CSMD1: variants seen among roughly 807,000 people sequenced by gnomAD.
The protein encoded by CSMD1 is CUB and Sushi multiple domains 1, also known as CUB and sushi domain-containing protein 1.
Under a neutral mutation model 417.5 loss-of-function variants are expected in CSMD1, and 213 were observed. The ratio of observed to expected loss-of-function variants is 0.51; its 90% CI spans 0.46 to 0.57. The LOEUF is 0.57. CSMD1 is among the 20% of genes least tolerant of loss of function. CSMD1 has a pLI of 0.00. For missense variants in CSMD1, 6,923 were observed against 4,529.7 expected (o/e 1.53, Z -15.17); for synonymous variants, 2,862 against 1,736.8 (o/e 1.65, Z -16.11).
intron 3 of CSMD1, among the ~76,000 whole-genome samples, chr8:4,291,625 T>C (rs1797371191): frequency 6.6e-6 from 1 of 152,208 alleles, no homozygotes; most frequent in Non-Finnish European, 1.5e-5. Context: ...GATATGTTTC[T>C]TTCTTAAATT....
intron 2 of CSMD1, among the ~76,000 whole-genome samples, chr8:4,624,758 G>C (rs1801999230): frequency 6.6e-6 from 1 of 152,124 alleles, no homozygotes; most frequent in Admixed American, 6.5e-5. Flanking sequence ...CTCTCTGCCT[G>C]ACTCCTGAGG....
At chr8:3,983,516 G>A (rs1238834896) in intron 5 of CSMD1, among the ~76,000 whole-genome samples, 1 of 152,198 alleles carries the variant, frequency 6.6e-6, no homozygotes, top group Non-Finnish European at 1.5e-5. Context: ...CTTGGGACAG[G>A]AAACTGCCCT....
intron 6 of CSMD1, among the ~76,000 whole-genome samples, chr8:3,724,159 T>G (rs1802350095): frequency 6.7e-6 from 1 of 149,884 alleles, no homozygotes; most frequent in South Asian, 2.1e-4. Context: ...TTAAAAAGTT[T>G]TGCAAAAATA....
intron 1 of CSMD1, among the ~76,000 whole-genome samples, chr8:4,768,863 T>C (rs1277089617): frequency 6.6e-6 from 1 of 152,182 alleles, no homozygotes; most frequent in East Asian, 1.9e-4. Context: ...GGCTGAGACA[T>C]GACTTCCACT....
intron 3 of CSMD1, among the ~76,000 whole-genome samples, chr8:4,389,530 C>G (rs956488234): frequency 2.0e-5 from 3 of 152,080 alleles, no homozygotes; most frequent in Non-Finnish European, 2.9e-5. Context: ...GTCATATACT[C>G]AGCAGAAGAC....
chr8:3,040,542 T>C (rs978247468), intron 50 of CSMD1, among the ~76,000 whole-genome samples: 1 of 151,754 alleles, frequency 6.6e-6, no homozygotes, highest in African/African-American at 2.4e-5. Context: ...CGGTGGCTCA[T>C]GCCTGTAATC....
intron 3 of CSMD1, among the ~76,000 whole-genome samples, chr8:4,213,583 G>A (rs61112648): frequency 3.9e-4 from 60 of 152,330 alleles, no homozygotes; most frequent in African/African-American, 1.2e-3. Flanking sequence ...CACTTGCAAC[G>A]TGAAAGAAAA....
intron 5 of CSMD1, among the ~76,000 whole-genome samples, chr8:3,850,316 C>A (rs1430275039): frequency 6.6e-6 from 1 of 152,158 alleles, no homozygotes; most frequent in Non-Finnish European, 1.5e-5. Flanking sequence ...GCTTTGTTTT[C>A]CATAGGGTCT....
intron 40 of CSMD1, among the ~76,000 whole-genome samples, chr8:3,149,036 T>C (rs1819024754): frequency 6.6e-6 from 1 of 152,238 alleles, no homozygotes; most frequent in African/African-American, 2.4e-5. Flanking sequence ...ATATCCAATT[T>C]TTTTAAGATT....
intron 52 of CSMD1, among the ~76,000 whole-genome samples, chr8:3,002,762 T>C (rs971324912): frequency 5.9e-5 from 9 of 152,298 alleles, no homozygotes; most frequent in Non-Finnish European, 1.3e-4. Flanking sequence ...CAAGGAAGCA[T>C]CTGTGTACTC....
In CSMD1 at chr8:3,399,440, A is replaced by G; in HGVS notation, c.2356T>C (p.Trp786Arg). 6.2e-7 allele frequency: 1 copy of G among 1,609,960 alleles called. No individual in the cohort carries two copies. Among genetic ancestry groups the G allele is most frequent in the Non-Finnish European group, 8.5e-7 (1 of 1,178,208 alleles). The part of the protein sequence containing the change: ...GYYKDSLHCE[W>R]IIEAKPGHSI... ...TGGCCTGGTTTTGCTTCAATTATCC[A>G]TTCACAATGTAAAGAATCCTTATAA... Residue 786 changes from tryptophan to arginine, a missense_variant, in exon 16 of 70, where the codon TGG becomes CGG. Physicochemically the swap from Trp to Arg is moderately radical, Grantham distance 101. Coordinates refer to ENST00000635120, the MANE Select transcript of CSMD1 (RefSeq NM_033225.6).
intron 20 of CSMD1, among the ~76,000 whole-genome samples, chr8:3,364,485 G>C (rs946482352): frequency 2.0e-4 from 31 of 152,282 alleles, no homozygotes; most frequent in African/African-American, 6.5e-4. Flanking sequence ...TGGCTTGCTT[G>C]TTTGTGCAAG....
At chr8:3,269,044 C>T (rs1231721431) in intron 26 of CSMD1, among the ~76,000 whole-genome samples, 1 of 152,204 alleles carries the variant, frequency 6.6e-6, no homozygotes, top group Admixed American at 6.5e-5. Context: ...TGTAATCAAT[C>T]TCGCTAATGT....
At chr8:3,497,411 T>C in intron 10 of CSMD1, among the ~76,000 whole-genome samples, 1 of 152,132 alleles carries the variant, frequency 6.6e-6, no homozygotes, top group Non-Finnish European at 1.5e-5. Flanking sequence ...CATTTATTTA[T>C]TTATTTATTT....
intron 2 of CSMD1, among the ~76,000 whole-genome samples, chr8:4,473,877 G>C (rs968165776): frequency 6.6e-6 from 1 of 152,100 alleles, no homozygotes; most frequent in African/African-American, 2.4e-5. Context: ...TAATATATGA[G>C]AGAGGTAGCT....
chr8:4,771,135 G>A (rs768237044), intron 1 of CSMD1, among the ~76,000 whole-genome samples: 4 of 152,178 alleles, frequency 2.6e-5, no homozygotes, highest in Non-Finnish European at 4.4e-5. Flanking sequence ...AATTGGTGAA[G>A]ATATGATTCA....
chr8:3,058,741 G>A (rs1476394158), intron 49 of CSMD1, among the ~76,000 whole-genome samples: 1 of 152,018 alleles, frequency 6.6e-6, no homozygotes, highest in Non-Finnish European at 1.5e-5. Flanking sequence ...TCTCGGAGGA[G>A]CAAGGATTTA....
chr8:3,424,612 G>T (rs985588711), intron 12 of CSMD1, among the ~76,000 whole-genome samples: 1 of 152,100 alleles, frequency 6.6e-6, no homozygotes, highest in Non-Finnish European at 1.5e-5. Flanking sequence ...ATCACAATTT[G>T]AACACAAAAT....
chr8:4,684,277 G>T (rs1356357888), intron 1 of CSMD1, among the ~76,000 whole-genome samples: 1 of 152,070 alleles, frequency 6.6e-6, no homozygotes, highest in Admixed American at 6.6e-5. Context: ...ATTTTTAATC[G>T]TGCAAAAAAT....
Sources: allele counts gnomAD v4.1 joint callset (sites outside exome capture counted in the v4.1 genomes callset), GRCh38; gene constraint gnomAD v4.1.1; transcripts MANE v1.5; gene names NCBI Gene and HGNC (gene_info 2026-07-23, HGNC 2026-07-21).